PCDH10: variants seen among roughly 807,000 people sequenced by gnomAD.
PCDH10 encodes the protein protocadherin 10.
PCDH10 carries 15 observed loss-of-function variants against 74.4 expected under a neutral mutation model. That is an observed-to-expected ratio of 0.20 (90% CI 0.13 to 0.31). PCDH10 has a LOEUF of 0.31. PCDH10 is among the 10% of genes least tolerant of loss of function. The pLI, the probability that PCDH10 is intolerant of heterozygous loss-of-function variation, is 1.00. For synonymous variants in PCDH10, 619 were observed against 589.8 expected (o/e 1.05, Z -0.72); for missense variants, 1,260 against 1,390.2 (o/e 0.91, Z 1.49).
exon 3 of PCDH10, chr4:133,208,362 C>T (rs1382699731): frequency 1.3e-5 from 2 of 152,206 alleles, no homozygotes; most frequent in Non-Finnish European, 2.9e-5. Context: ...ATAGTTAATA[C>T]ATTATGTAGG....
Position 133,151,778 on chromosome 4 carries a change from G to C in PCDH10, c.1638G>C (p.Arg546=). Residue 546 remains arginine, a synonymous_variant, in exon 1 of 5, where the codon CGG becomes CGC. Transcript: ENST00000264360. ...ACTTCAGTTTTCAGGTGGAAGCCCG[G>C]GACGCTGGCAGCCCCCAGGCGCTGG... ...LKDFSFQVEA[R]DAGSPQALAG... 6.2e-7 allele frequency: 1 copy of C among 1,613,118 alleles called. No individual in the cohort carries two copies. The highest frequency in any genetic ancestry group is 8.5e-7 in the Non-Finnish European group (1 of 1,180,048).
downstream of PCDH10, among the ~76,000 whole-genome samples, chr4:133,199,544 G>A (rs1030879879): frequency 6.7e-6 from 1 of 149,970 alleles, no homozygotes; most frequent in African/African-American, 2.4e-5. Context: ...GTCAGCTGAT[G>A]AAGGTGAGGG....
chr4:133,163,269 A>G lies in PCDH10; in HGVS notation c.3090A>G (p.Lys1030=), dbSNP rs1156660758. ...TGACTAATACGCGAGCGCCTTACAA[A>G]CCACCATATTTGAGTAAGTATTACA... The part of the protein sequence containing the change: ...GLLTNTRAPY[K]PPYLTRKRIC Residue 1030 remains lysine (K), a synonymous_variant, in exon 4 of 5, where the codon AAA becomes AAG. Transcript: ENST00000264360. 6.2e-7 allele frequency: 1 copy of G among 1,611,094 alleles called. No individual in the cohort carries two copies. The highest frequency in any genetic ancestry group is 8.5e-7 in the Non-Finnish European group (1 of 1,178,564).
At position 133,151,999 on chromosome 4, in the gene PCDH10, T is replaced by C. The variant is rs570988795; in HGVS notation, c.1859T>C (p.Ile620Thr). 1.7e-5 allele frequency: 28 copies of C among 1,612,760 alleles called. No individual in the cohort carries two copies. Among genetic ancestry groups the C allele is most frequent in the African/African-American group, 4.0e-5 (3 of 75,070 alleles). Reference sequence around the variant, plus strand: ...GAGAACGCCCGGCTCACTTACAGCATCGTGCGTGGCAACGAAATGAACCTC... The same window carrying C: ...GAGAACGCCCGGCTCACTTACAGCACCGTGCGTGGCAACGAAATGAACCTC... ...DGENARLTYS[I>T]VRGNEMNLFR... Residue 620 changes from isoleucine to threonine, a missense_variant, in exon 1 of 5, where the codon ATC becomes ACC. By Grantham distance (89) the Ile-to-Thr change is moderately conservative. Coordinates refer to ENST00000264360, the MANE Select transcript of PCDH10 (RefSeq NM_032961.3).
At chr4:133,169,860 G>T (rs1375492583) in intron 4 of PCDH10, among the ~76,000 whole-genome samples, 2 of 152,010 alleles carry the variant, frequency 1.3e-5, no homozygotes, top group East Asian at 1.9e-4. Context: ...CCTTTTAATA[G>T]AAATTAGATC....
At chr4:133,184,757 TATGTGTAAA>T (rs1218540533) in intron 4 of PCDH10, among the ~76,000 whole-genome samples, 9 of 118,238 alleles carry the variant, frequency 7.6e-5, no homozygotes, top group Admixed American at 2.9e-4. Flanking sequence ...CTTGTGTATA[TATGTGTAAA>T]TATATAAATA....
At chr4:133,200,786 T>G (rs947115265) in intron 2 of PCDH10, among the ~76,000 whole-genome samples, 1 of 152,200 alleles carries the variant, frequency 6.6e-6, no homozygotes, top group South Asian at 2.1e-4. Context: ...GTTCTCCACC[T>G]GTGCCAGGCT....
chr4:133,175,807 G>A (rs1053052059), intron 4 of PCDH10, among the ~76,000 whole-genome samples: 7 of 152,104 alleles, frequency 4.6e-5, no homozygotes, highest in South Asian at 2.1e-4. Context: ...TGCAAAACAC[G>A]AAAAAATGCA....
At chr4:133,165,802 G>T (rs984667728) in intron 4 of PCDH10, among the ~76,000 whole-genome samples, 2 of 151,620 alleles carry the variant, frequency 1.3e-5, no homozygotes, top group Non-Finnish European at 3.0e-5. Flanking sequence ...AAATACAAAA[G>T]AGATCAATGT....
chr4:133,203,631 G>A (rs1401962959), intron 2 of PCDH10, among the ~76,000 whole-genome samples: 1 of 152,164 alleles, frequency 6.6e-6, no homozygotes, highest in African/African-American at 2.4e-5. Flanking sequence ...GTCTACTATA[G>A]GCATGCAGCC....
intron 4 of PCDH10, among the ~76,000 whole-genome samples, chr4:133,170,793 A>ACCAGGCTGGAGTGCAGTG (rs1727186975): frequency 1.3e-5 from 2 of 152,040 alleles, no homozygotes; most frequent in African/African-American, 4.8e-5. Flanking sequence ...CCCGGGTTCG[A>ACCAGGCTGGAGTGCAGTG]GCGATTTTCC....
chr4:133,161,896 T>C (rs1726978305), intron 3 of PCDH10, among the ~76,000 whole-genome samples: 1 of 152,182 alleles, frequency 6.6e-6, no homozygotes, highest in Non-Finnish European at 1.5e-5. Context: ...GATATGTTAC[T>C]ATGTTTAGAA....
At chr4:133,154,809 A>G in intron 2 of PCDH10, 108 bp from the exon 3 acceptor site, 1 of 736,742 alleles carries the variant, frequency 1.4e-6, no homozygotes. Flanking sequence ...AAGCCAACTA[A>G]GAGGTCTGTG....
intron 4 of PCDH10, among the ~76,000 whole-genome samples, chr4:133,180,295 A>G (rs886090035): frequency 3.3e-5 from 5 of 152,082 alleles, no homozygotes; most frequent in Non-Finnish European, 5.9e-5. Flanking sequence ...GATATGTATA[A>G]TATTTATGAA....
intron 3 of PCDH10, among the ~76,000 whole-genome samples, chr4:133,155,539 C>T (rs932597558): frequency 1.2e-4 from 18 of 152,156 alleles, no homozygotes; most frequent in African/African-American, 4.3e-4. Context: ...GATTAAAAGT[C>T]ATTAATGGAT....
Position 133,167,008 on chromosome 4 carries a change from A to G in PCDH10, c.3103+3726A>G, listed in dbSNP as rs79254127. On this transcript the variant is annotated intron_variant, in intron 4 of 4. Coordinates refer to ENST00000264360, the MANE Select transcript of PCDH10 (RefSeq NM_032961.3). The stretch of plus-strand genomic sequence containing the variant: ...TATTTTCATGGCCCATCTTGCCTTC[A>G]TATTATACAACATTTAGACTAGTCC... 3.8e-3 allele frequency among the ~76,000 whole-genome samples: 572 copies of G among 151,576 alleles called. 2 individuals are homozygous for G. Among genetic ancestry groups the G allele is most frequent in the African/African-American group, 0.013 (523 of 41,542 alleles).
chr4:133,202,561 T>G (rs1412734733), intron 2 of PCDH10, among the ~76,000 whole-genome samples: 1 of 152,294 alleles, frequency 6.6e-6, no homozygotes, highest in East Asian at 1.9e-4. Flanking sequence ...GCCTTGATTT[T>G]TATATTGTGT....
rs1727651502 is a variant in PCDH10, at chr4:133,190,844, A to C, written c.*684A>C. The stretch of plus-strand genomic sequence containing the variant: ...TGCATACAGTCCACATCATACAATA[A>C]AATAAAAGGTAATTCAGGGTCCCAA... On this transcript the variant is annotated 3_prime_UTR_variant, in exon 5 of 5. Coordinates refer to ENST00000264360, the MANE Select transcript of PCDH10 (RefSeq NM_032961.3). 1 of 151,950 alleles carries C rather than the reference A, an allele frequency of 6.6e-6. No homozygotes were observed. Among genetic ancestry groups the C allele is most frequent in the Non-Finnish European group, 1.5e-5 (1 of 67,818 alleles). The allele number at this position is 151,950 out of a possible 1,614,324, so 9.4% of individuals were successfully genotyped here.
rs1467477911 is a variant in PCDH10, at chr4:133,191,177, A to G, written c.*1017A>G. ...CACCTGTATTTGTTGTTAGAAAAAA[A>G]CTGGGTGTCTGTACATTTTGTGGTG... On this transcript the variant is annotated 3_prime_UTR_variant, in exon 5 of 5. Transcript: ENST00000264360. The G allele has an allele frequency of 2.6e-5, 4 of 152,380 alleles. No homozygotes were observed. The East Asian group carries it at 5.8e-4, about 22-fold the overall frequency. The allele number at this position is 152,380 out of a possible 1,614,324, so 9.4% of individuals were successfully genotyped here. A position where few individuals can be genotyped will look rare whatever the true frequency, so the allele number is the denominator to read the frequency against.
Sources: gnomAD v4.1 joint callset for allele counts (sites outside exome capture counted in the v4.1 genomes callset) on GRCh38, gnomAD v4.1.1 for gene constraint, MANE v1.5 for transcripts, NCBI Gene and HGNC (gene_info 2026-07-23, HGNC 2026-07-21) for gene names.